INPP4B: variants seen among roughly 807,000 people sequenced by gnomAD.
INPP4B encodes inositol polyphosphate 4-phosphatase type II.
Under a neutral mutation model 122.5 loss-of-function variants are expected in INPP4B, and 55 were observed. That is an observed-to-expected ratio of 0.45 (90% CI 0.36 to 0.56). INPP4B has a LOEUF of 0.56. Ranked by LOEUF, INPP4B falls within the 20% of genes least tolerant of loss-of-function variation. The probability of loss-of-function intolerance (pLI) is 0.00; values close to 1 mark genes in which losing one functional copy is unlikely to be tolerated. For missense variants in INPP4B, 1,000 were observed against 1,097.7 expected, an observed-to-expected ratio of 0.91 and a Z score of 1.26; for synonymous variants, 403 against 388.7, an observed-to-expected ratio of 1.04 and a Z score of -0.43.
chr4:142,170,654 T>C lies in INPP4B; in HGVS notation c.1359+2978A>G, dbSNP rs148087371. ...ATCCACCTCATGGAACTCTGAAAATTGAAGCACTTATAAGAGTATCTCAGA... is the reference window on the plus strand; with the variant it reads ...ATCCACCTCATGGAACTCTGAAAATCGAAGCACTTATAAGAGTATCTCAGA... On this transcript the variant is annotated intron_variant, in intron 16 of 25. Transcript: ENST00000262992. Among the ~76,000 whole-genome samples the C allele has an allele frequency of 4.5e-3, 686 of 151,896 alleles. 3 individuals carry two copies. The highest frequency in any genetic ancestry group is 0.015 in the South Asian group (71 of 4,820).
intron 4 of INPP4B, among the ~76,000 whole-genome samples, chr4:142,430,800 A>G (rs1438016710): frequency 6.6e-6 from 1 of 152,154 alleles, no homozygotes; most frequent in Non-Finnish European, 1.5e-5. Flanking sequence ...TTTCTACAGT[A>G]TAAAAAAATT....
At position 142,261,737 on chromosome 4, in the gene INPP4B, G is replaced by A. The variant is rs554296226; in HGVS notation, c.616-1173C>T. Among the ~76,000 whole-genome samples the A allele has an allele frequency of 3.3e-5, 5 of 152,204 alleles. No homozygotes were observed. In the South Asian group the frequency reaches 6.2e-4, roughly 19 times the overall value. ...TCACTTTTAACAATGGAATGTATAC[G>A]TTCCTCAAACATTTTGAGGAAGAAG... On this transcript the variant is annotated intron_variant, in intron 10 of 25. Transcript: ENST00000262992.
At chr4:142,405,698 G>A (rs3775704) in intron 5 of INPP4B, among the ~76,000 whole-genome samples, 15,717 of 152,142 alleles carry the variant, frequency 0.1, 1,018 homozygotes, top group East Asian at 0.19. Flanking sequence ...GGCCATATCT[G>A]GGAAACTTTG....
intron 11 of INPP4B, among the ~76,000 whole-genome samples, chr4:142,252,097 T>C (rs1292543563): frequency 2.0e-5 from 3 of 152,088 alleles, no homozygotes; most frequent in Non-Finnish European, 4.4e-5. Context: ...ATATGGATAA[T>C]GATAGTACCT....
intron 5 of INPP4B, among the ~76,000 whole-genome samples, chr4:142,406,291 T>C (rs374419105): frequency 6.6e-6 from 1 of 152,108 alleles, no homozygotes; most frequent in African/African-American, 2.4e-5. Flanking sequence ...CTTGATTTCA[T>C]GGTGAGGGCA....
chr4:142,108,092 C>A lies in INPP4B; in HGVS notation c.2374+1G>T. On this transcript the variant is annotated splice_donor_variant, in intron 23 of 25. Transcript: ENST00000262992. LOFTEE classifies it high-confidence loss of function. ...CTGTCTTCTCTAACTCACATACTTA[C>A]AATCAGGAGGCATCTTTTCCATAAA... 2 of 1,445,410 alleles carry A rather than the reference C, an allele frequency of 1.4e-6. No individual in the cohort carries two copies. The highest frequency in any genetic ancestry group is 1.9e-6 in the Non-Finnish European group (2 of 1,030,806). 89.5% of individuals were successfully genotyped at this position (1,445,410 alleles called of 1,614,324 possible).
chr4:142,534,785 T>C (rs1580308703), intron 2 of INPP4B, among the ~76,000 whole-genome samples: 1 of 151,816 alleles, frequency 6.6e-6, no homozygotes, highest in Non-Finnish European at 1.5e-5. Flanking sequence ...CTCTCTGTAC[T>C]CAAAATTCTT....
intron 7 of INPP4B, among the ~76,000 whole-genome samples, chr4:142,356,882 G>A (rs936742218): frequency 6.6e-6 from 1 of 151,790 alleles, no homozygotes; most frequent in Admixed American, 6.6e-5. Flanking sequence ...AGGGGTGAGG[G>A]ATTACACATT....
intron 1 of INPP4B, among the ~76,000 whole-genome samples, chr4:142,817,007 A>C (rs1045193025): frequency 2.0e-5 from 3 of 152,144 alleles, no homozygotes; most frequent in African/African-American, 7.2e-5. Context: ...TAAAGTTAAT[A>C]TGAGTTAGTA....
intron 2 of INPP4B, among the ~76,000 whole-genome samples, chr4:142,720,088 C>T (rs1176920813): frequency 6.6e-6 from 1 of 152,146 alleles, no homozygotes; most frequent in Non-Finnish European, 1.5e-5. Flanking sequence ...CTCAAGTTCA[C>T]CCATAATTCG....
intron 2 of INPP4B, among the ~76,000 whole-genome samples, chr4:142,594,334 A>G (rs1256851520): frequency 2.0e-5 from 3 of 152,278 alleles, no homozygotes; most frequent in Non-Finnish European, 4.4e-5. Context: ...ATGCATTGCC[A>G]TTTTACATTT....
chr4:142,096,391 G>T (rs560325778), intron 23 of INPP4B, among the ~76,000 whole-genome samples: 1 of 152,296 alleles, frequency 6.6e-6, no homozygotes, highest in East Asian at 1.9e-4. Flanking sequence ...TTGCAACATA[G>T]ATAGTAACAT....
At chr4:142,098,343 C>CAAA (rs1216027199) in intron 23 of INPP4B, among the ~76,000 whole-genome samples, 1 of 151,202 alleles carries the variant, frequency 6.6e-6, no homozygotes, top group Non-Finnish European at 1.5e-5. Context: ...TGAAAACAAA[C>CAAA]AAACAACAAC....
rs190633967 is a variant in INPP4B at position 142,144,157 on chromosome 4, C to T, written c.1720+1683G>A. Among the ~76,000 whole-genome samples, 6 of 150,750 alleles carry T rather than the reference C, an allele frequency of 4.0e-5. No individual in the cohort carries two copies. The East Asian group carries it at 9.8e-4, about 25-fold the overall frequency. Reference sequence around the variant, plus strand: ...CTAATCTTACGGCTGATTTATCTGCCAAATATTTTACCTTTTAAAATGCAT... The same window carrying T: ...CTAATCTTACGGCTGATTTATCTGCTAAATATTTTACCTTTTAAAATGCAT... On this transcript the variant is annotated intron_variant, in intron 18 of 25. Transcript: ENST00000262992.
chr4:142,787,772 A>G (rs902008462), intron 1 of INPP4B, among the ~76,000 whole-genome samples: 2 of 152,144 alleles, frequency 1.3e-5, no homozygotes, highest in Non-Finnish European at 2.9e-5. Context: ...TCTACTATCA[A>G]AATGGAGGTG....
intron 2 of INPP4B, among the ~76,000 whole-genome samples, chr4:142,463,815 G>T (rs376912988): frequency 6.6e-6 from 1 of 152,106 alleles, no homozygotes; most frequent in Non-Finnish European, 1.5e-5. Context: ...GGACATGTTT[G>T]CTTCCCCTTC....
intron 2 of INPP4B, among the ~76,000 whole-genome samples, chr4:142,527,546 C>T (rs539339160): frequency 1.3e-5 from 2 of 151,940 alleles, no homozygotes; most frequent in Non-Finnish European, 1.5e-5. Flanking sequence ...TGATAAGCAA[C>T]GTTAATTATA....
At chr4:142,161,925 A>C (rs749470112) in intron 16 of INPP4B, among the ~76,000 whole-genome samples, 13 of 151,832 alleles carry the variant, frequency 8.6e-5, no homozygotes, top group Non-Finnish European at 1.9e-4. Context: ...TTTTCCAACA[A>C]ATTAGCAGCT....
chr4:142,470,922 T>A (rs1269208016), intron 2 of INPP4B, among the ~76,000 whole-genome samples: 1 of 152,222 alleles, frequency 6.6e-6, no homozygotes, highest in Non-Finnish European at 1.5e-5. Flanking sequence ...AATCTTTGAA[T>A]AAATTGCATT....
Sources: gnomAD v4.1 joint callset for allele counts (sites outside exome capture counted in the v4.1 genomes callset) on GRCh38, gnomAD v4.1.1 for gene constraint, MANE v1.5 for transcripts, NCBI Gene and HGNC (gene_info 2026-07-23, HGNC 2026-07-21) for gene names.